Variants in PCDHA1 observed in about 807,000 individuals in gnomAD.
PCDHA1 encodes protocadherin alpha-1.
PCDHA1 carries 42 observed loss-of-function variants against 61.3 expected under a neutral mutation model. The ratio of observed to expected loss-of-function variants is 0.69; its 90% CI spans 0.54 to 0.89. The LOEUF is 0.89. PCDHA1 is among the 40% of genes least tolerant of loss of function. The pLI, the probability that PCDHA1 is intolerant of heterozygous loss-of-function variation, is 0.00. For synonymous variants in PCDHA1, 610 were observed against 553.8 expected (o/e 1.10, Z -1.43); for missense variants, 1,256 against 1,235.3 (o/e 1.02, Z -0.25).
At chr5:140,802,733 G>A (rs1763012101) in intron 1 of PCDHA1, 3 of 1,612,488 alleles carry the variant, frequency 1.9e-6, no homozygotes, top group South Asian at 2.2e-5. Flanking sequence ...CGGTACACGC[G>A]GAGAGCGGCA....
Position 140,796,018 on chromosome 5 carries a change from A to G in PCDHA1, c.2394+7334A>G, listed in dbSNP as rs782572566. Reference sequence around the variant, plus strand: ...CAATGATAACACACCAGAAGTCTCAATAACGTCTCTCTCACTTCCCATCTC... The same window carrying G: ...CAATGATAACACACCAGAAGTCTCAGTAACGTCTCTCTCACTTCCCATCTC... On this transcript the variant is annotated intron_variant, in intron 1 of 3. Coordinates refer to ENST00000504120, the MANE Select transcript of PCDHA1 (RefSeq NM_018900.4). 6 of 1,614,192 alleles carry G rather than the reference A, an allele frequency of 3.7e-6. No homozygotes were observed. The Admixed American group carries it at 6.7e-5, about 18-fold the overall frequency.
intron 1 of PCDHA1, chr5:140,834,610 A>C: frequency 5.0e-6 from 8 of 1,614,064 alleles, no homozygotes; most frequent in Non-Finnish European, 6.8e-6. Context: ...GATCTTCTGG[A>C]GGTAAATCTG....
intron 1 of PCDHA1, chr5:140,871,112 A>C (rs1554165130): frequency 1.2e-6 from 2 of 1,613,172 alleles, no homozygotes; most frequent in Non-Finnish European, 1.7e-6. Context: ...TCGTTGGTGG[A>C]GAGCGGACAG....
intron 1 of PCDHA1, chr5:140,803,653 C>G: frequency 6.2e-7 from 1 of 1,610,666 alleles, no homozygotes; most frequent in Non-Finnish European, 8.5e-7. Context: ...AATGTTTCCA[C>G]TCCTCTGGAA....
intron 1 of PCDHA1, chr5:140,969,073 G>T (rs781937942): frequency 2.5e-6 from 4 of 1,614,092 alleles, no homozygotes; most frequent in South Asian, 2.2e-5. Flanking sequence ...CCAGGATACC[G>T]CATGGCCTCA....
intron 1 of PCDHA1, chr5:140,824,139 A>G (rs1363809493): frequency 8.1e-6 from 13 of 1,612,128 alleles, no homozygotes; most frequent in Non-Finnish European, 1.0e-5. Context: ...TGAGTTTTCT[A>G]ATATTAACAT....
At chr5:140,923,971 A>G (rs557891257) in intron 1 of PCDHA1, among the ~76,000 whole-genome samples, 2 of 152,330 alleles carry the variant, frequency 1.3e-5, no homozygotes, top group East Asian at 3.9e-4. Flanking sequence ...ATACCCACAC[A>G]TACTATCCCT....
At chr5:140,892,013 C>T (rs2063353338) in intron 1 of PCDHA1, among the ~76,000 whole-genome samples, 1 of 152,206 alleles carries the variant, frequency 6.6e-6, no homozygotes, top group South Asian at 2.1e-4. Context: ...GTTATAGCAG[C>T]ACAAATGGTC....
intron 1 of PCDHA1, chr5:140,841,290 T>C (rs2150312636): frequency 6.4e-7 from 1 of 1,558,300 alleles, no homozygotes. Flanking sequence ...TATATTAAGA[T>C]AATATTTTCT....
rs149739125 is a variant in PCDHA1, at chr5:140,954,248, C to T, written c.2395-24701C>T. 1.2e-3 allele frequency among the ~76,000 whole-genome samples: 179 copies of T among 152,316 alleles called. 1 individual carries two copies. The highest frequency in any genetic ancestry group is 4.0e-3 in the African/African-American group (166 of 41,572). ...TGAATAGTGCTGCAATGAACATACACATGCAGGTATCTTTATAATAGGATG... is the reference window on the plus strand; with the variant it reads ...TGAATAGTGCTGCAATGAACATACATATGCAGGTATCTTTATAATAGGATG... On this transcript the variant is annotated intron_variant, in intron 1 of 3. Coordinates refer to ENST00000504120, the MANE Select transcript of PCDHA1 (RefSeq NM_018900.4).
At chr5:140,901,654 T>C (rs1274474554) in intron 1 of PCDHA1, among the ~76,000 whole-genome samples, 6 of 152,194 alleles carry the variant, frequency 3.9e-5, no homozygotes. Flanking sequence ...GTTTTGTTCT[T>C]TTTGCTCAAG....
At chr5:140,827,018 T>C (rs1218420283) in intron 1 of PCDHA1, among the ~76,000 whole-genome samples, 1 of 152,184 alleles carries the variant, frequency 6.6e-6, no homozygotes, top group Non-Finnish European at 1.5e-5. Context: ...TCATTAAAAA[T>C]ATGAATTTAA....
At chr5:140,869,418 C>G in intron 1 of PCDHA1, 1 of 1,614,174 alleles carries the variant, frequency 6.2e-7, no homozygotes, top group Non-Finnish European at 8.5e-7. Flanking sequence ...GCAGCATCCA[C>G]CTGGAGGTGA....
intron 1 of PCDHA1, chr5:140,875,686 G>C (rs17844351): frequency 0.022 from 35,932 of 1,613,570 alleles, 480 homozygotes; most frequent in East Asian, 0.061. Flanking sequence ...CAAAAGACAC[G>C]GGGACCTTCT....
intron 1 of PCDHA1, chr5:140,841,399 G>A: frequency 6.2e-7 from 1 of 1,613,120 alleles, no homozygotes; most frequent in Non-Finnish European, 8.5e-7. Context: ...CCTGGAAGGT[G>A]GGGAGCGGCC....
In PCDHA1 at chr5:140,788,485, A is replaced by G. The variant is rs2240696; in HGVS notation, c.2195A>G (p.Tyr732Cys). Reference protein sequence around the residue: ...RCSVPPTEGAYVPGKPTLVCS... With the variant: ...RCSVPPTEGACVPGKPTLVCS... ...TCAGTGCCGCCCACTGAGGGTGCGT[A>G]TGTGCCGGGCAAGCCCACTCTGGTG... The change falls in exon 1 of 4, where the codon TAT becomes TGT. Residue 732 changes from tyrosine (Y) to cysteine (C), a missense_variant. Physicochemically the swap from Tyr to Cys is radical, Grantham distance 194 (BLOSUM62 -2). Transcript: ENST00000504120. The G allele has an allele frequency of 0.53, 850,498 of 1,613,796 alleles. 224,756 individuals carry two copies. Among genetic ancestry groups the G allele is most frequent in the Middle Eastern group, 0.58 (3,525 of 6,062 alleles).
intron 1 of PCDHA1, chr5:140,869,872 A>G: frequency 6.2e-7 from 1 of 1,610,558 alleles, no homozygotes; most frequent in Admixed American, 1.7e-5. Context: ...AAATGCTGCT[A>G]AAGAAACTCT....
intron 1 of PCDHA1, chr5:140,868,917 AAGTT>A: frequency 1.0e-6 from 1 of 955,956 alleles, no homozygotes; most frequent in Non-Finnish European, 1.5e-6. Flanking sequence ...ACTTGGTGGA[AAGTT>A]CATTTAAAGG....
intron 1 of PCDHA1, chr5:140,829,401 C>G: frequency 6.2e-7 from 1 of 1,614,092 alleles, no homozygotes; most frequent in Non-Finnish European, 8.5e-7. Context: ...TCGCTGTGGG[C>G]CACCGCCAGC....
Sources: allele counts gnomAD v4.1 joint callset (sites outside exome capture counted in the v4.1 genomes callset), GRCh38; gene constraint gnomAD v4.1.1; transcripts MANE v1.5; gene names NCBI Gene and HGNC (gene_info 2026-07-23, HGNC 2026-07-21).